The following CNTN5 variants were observed in gnomAD, a reference collection of about 807,000 sequenced individuals.
CNTN5 encodes contactin 5, also known as contactin-5.
A neutral mutation model predicts 129.1 loss-of-function variants in CNTN5; 77 were observed. The observed-to-expected ratio is 0.60, with a 90% CI of 0.50 to 0.72. The LOEUF is 0.72. CNTN5 is among the 30% of genes least tolerant of loss of function. The pLI, the probability that CNTN5 is intolerant of heterozygous loss-of-function variation, is 0.00. For synonymous variants in CNTN5, 509 were observed against 465.6 expected (o/e 1.09, Z -1.20); for missense variants, 1,478 against 1,328.8 (o/e 1.11, Z -1.75).
chr11:100,345,600 T>C (rs1952262995), intron 23 of CNTN5, among the ~76,000 whole-genome samples: 1 of 150,236 alleles, frequency 6.7e-6, no homozygotes, highest in Non-Finnish European at 1.5e-5. Flanking sequence ...GAGGTTTCCC[T>C]ATCACAAAAT....
At chr11:99,861,336 G>T (rs989192689) in intron 6 of CNTN5, among the ~76,000 whole-genome samples, 4 of 152,028 alleles carry the variant, frequency 2.6e-5, no homozygotes, top group African/African-American at 4.8e-5. Flanking sequence ...CACCTTCTTG[G>T]TTAGATGTAT....
intron 3 of CNTN5, among the ~76,000 whole-genome samples, chr11:99,788,241 T>C (rs1945608172): frequency 6.6e-6 from 1 of 151,982 alleles, no homozygotes; most frequent in Non-Finnish European, 1.5e-5. Context: ...CCTCCATTAA[T>C]GAATACTGTC....
chr11:99,024,098 A>C (rs1195558303), intron 1 of CNTN5, among the ~76,000 whole-genome samples: 2 of 152,318 alleles, frequency 1.3e-5, no homozygotes, highest in East Asian at 1.9e-4. Context: ...ATAACTCCAC[A>C]TTAGAGGCTG....
At chr11:99,302,089 A>G (rs978170981) in intron 1 of CNTN5, among the ~76,000 whole-genome samples, 2 of 151,876 alleles carry the variant, frequency 1.3e-5, no homozygotes, top group South Asian at 4.1e-4. Context: ...CAGTTTGTAG[A>G]GAGAAATTCA....
chr11:100,341,745 T>C (rs1482158846), intron 23 of CNTN5, among the ~76,000 whole-genome samples: 1 of 152,088 alleles, frequency 6.6e-6, no homozygotes, highest in Non-Finnish European at 1.5e-5. Flanking sequence ...TTTGATAACA[T>C]GTGCAATTTG....
chr11:99,859,641 T>C (rs975483234), intron 6 of CNTN5, among the ~76,000 whole-genome samples: 10 of 152,236 alleles, frequency 6.6e-5, no homozygotes, highest in African/African-American at 1.9e-4. Context: ...CTTAGGATAA[T>C]GGCCTCCAGC....
intron 3 of CNTN5, among the ~76,000 whole-genome samples, chr11:99,689,366 A>C (rs1953935161): frequency 6.6e-6 from 1 of 151,766 alleles, no homozygotes; most frequent in Admixed American, 6.6e-5. Context: ...TCTCTACTAA[A>C]AATACAAAAA....
intron 17 of CNTN5, among the ~76,000 whole-genome samples, chr11:100,261,936 A>G (rs1433663607): frequency 6.6e-6 from 1 of 152,242 alleles, no homozygotes; most frequent in Non-Finnish European, 1.5e-5. Context: ...ACAAAAGCCA[A>G]AATTGGAAAA....
chr11:100,346,949 A>C (rs145282418), intron 23 of CNTN5, among the ~76,000 whole-genome samples: 1 of 152,094 alleles, frequency 6.6e-6, no homozygotes, highest in Admixed American at 6.6e-5. Flanking sequence ...TTGTGCAGGG[A>C]AACTCCCCTT....
intron 3 of CNTN5, among the ~76,000 whole-genome samples, chr11:99,790,049 T>C (rs1945683570): frequency 6.6e-6 from 1 of 152,088 alleles, no homozygotes; most frequent in South Asian, 2.1e-4. Context: ...TGTTGCTGTG[T>C]TAATTCACTT....
chr11:99,483,518 G>A (rs528321022), intron 2 of CNTN5, among the ~76,000 whole-genome samples: 2 of 152,124 alleles, frequency 1.3e-5, no homozygotes, highest in Non-Finnish European at 2.9e-5. Context: ...ACCCAACTCC[G>A]GAGATTTTAT....
At chr11:99,958,766 C>T (rs945473251) in intron 8 of CNTN5, among the ~76,000 whole-genome samples, 1 of 152,128 alleles carries the variant, frequency 6.6e-6, no homozygotes, top group Non-Finnish European at 1.5e-5. Flanking sequence ...TTTCTTAAGA[C>T]GTTATTGCAT....
intron 1 of CNTN5, among the ~76,000 whole-genome samples, chr11:99,248,535 C>T (rs1238025651): frequency 6.6e-6 from 1 of 152,064 alleles, no homozygotes; most frequent in Non-Finnish European, 1.5e-5. Flanking sequence ...GAAGTCCTTG[C>T]CCATGCCTAT....
At chr11:99,151,267 T>G (rs1359106521) in intron 1 of CNTN5, among the ~76,000 whole-genome samples, 1 of 152,142 alleles carries the variant, frequency 6.6e-6, no homozygotes, top group Non-Finnish European at 1.5e-5. Flanking sequence ...ATGTCATGTG[T>G]GTGTACATGC....
intron 1 of CNTN5, among the ~76,000 whole-genome samples, chr11:99,313,662 T>C (rs1195117619): frequency 1.3e-5 from 2 of 152,088 alleles, no homozygotes; most frequent in Non-Finnish European, 2.9e-5. Flanking sequence ...TTTTGTCTCC[T>C]TTACAAGAAG....
chr11:100,193,778 T>G, intron 15 of CNTN5, 115 bp downstream of exon 15: 1 of 781,830 alleles, frequency 1.3e-6, no homozygotes, highest in East Asian at 2.9e-5. Context: ...AACATCGACT[T>G]GATAAAAACA....
At chr11:99,301,576 G>T (rs1182858979) in intron 1 of CNTN5, among the ~76,000 whole-genome samples, 1 of 151,828 alleles carries the variant, frequency 6.6e-6, no homozygotes, top group South Asian at 2.1e-4. Flanking sequence ...TGACAACAGG[G>T]TCTCAAAATA....
intron 1 of CNTN5, among the ~76,000 whole-genome samples, chr11:99,186,424 A>AT (rs150736597): frequency 0.017 from 2,601 of 152,054 alleles, 39 homozygotes; most frequent in African/African-American, 0.037. Flanking sequence ...TTGTGGTTGC[A>AT]TTTTAAAAAT....
intron 13 of CNTN5, among the ~76,000 whole-genome samples, chr11:100,094,739 AAAG>A (rs1164959540): frequency 4.7e-5 from 7 of 148,292 alleles, no homozygotes; most frequent in East Asian, 2.0e-4. Flanking sequence ...AGAGACAGGG[AAAG>A]AAGAAGGAGG....
Sources: gnomAD v4.1 joint callset for allele counts (sites outside exome capture counted in the v4.1 genomes callset) on GRCh38, gnomAD v4.1.1 for gene constraint, MANE v1.5 for transcripts, NCBI Gene and HGNC (gene_info 2026-07-23, HGNC 2026-07-21) for gene names.